Variants in SGCZ observed in about 807,000 individuals in gnomAD.
SGCZ encodes the protein sarcoglycan zeta.
In SGCZ, 40 loss-of-function variants were observed where a neutral mutation model predicts 41.3. That is an observed-to-expected ratio of 0.97 (90% CI 0.75 to 1.26). The LOEUF is 1.26. Ranked by LOEUF, SGCZ falls within the 50% of genes most tolerant of loss-of-function variation. SGCZ has a pLI of 0.00. For missense variants in SGCZ, 552 were observed against 369.8 expected (o/e 1.49, Z -4.04); for synonymous variants, 206 against 137.5 (o/e 1.50, Z -3.49).
At chr8:15,228,505 T>G (rs1260829117) in intron 1 of SGCZ, among the ~76,000 whole-genome samples, 1 of 152,184 alleles carries the variant, frequency 6.6e-6, no homozygotes, top group Non-Finnish European at 1.5e-5. Context: ...AAACATTGAT[T>G]TTTATAAAAT....
chr8:14,281,336 TA>T (rs1800426701), intron 3 of SGCZ, among the ~76,000 whole-genome samples: 1 of 151,976 alleles, frequency 6.6e-6, no homozygotes, highest in Non-Finnish European at 1.5e-5. Context: ...TATACATACT[TA>T]AAAAATATCT....
chr8:14,340,566 TA>T (rs1233275738), intron 2 of SGCZ, among the ~76,000 whole-genome samples: 2 of 152,112 alleles, frequency 1.3e-5, no homozygotes, highest in African/African-American at 4.8e-5. Context: ...AAATGACCTT[TA>T]TGTACAAGCA....
chr8:15,211,740 C>T (rs1308705679), intron 1 of SGCZ, among the ~76,000 whole-genome samples: 2 of 152,136 alleles, frequency 1.3e-5, no homozygotes, highest in Non-Finnish European at 2.9e-5. Flanking sequence ...CTTATATCTT[C>T]AACCTCTCCC....
At chr8:14,501,646 T>A (rs772702231) in intron 2 of SGCZ, among the ~76,000 whole-genome samples, 2 of 150,406 alleles carry the variant, frequency 1.3e-5, no homozygotes, top group Admixed American at 1.3e-4. Context: ...AAACACCTAA[T>A]ATAGCATGTA....
intron 1 of SGCZ, among the ~76,000 whole-genome samples, chr8:14,959,500 AT>A (rs1435341608): frequency 9.9e-5 from 15 of 152,170 alleles, no homozygotes; most frequent in African/African-American, 3.6e-4. Context: ...AAAACATAGG[AT>A]GACTTTGTTT....
intron 2 of SGCZ, among the ~76,000 whole-genome samples, chr8:14,328,291 A>T (rs1309598882): frequency 1.3e-5 from 2 of 152,128 alleles, no homozygotes; most frequent in Non-Finnish European, 2.9e-5. Context: ...TGATCCCTTC[A>T]TTATCTGAAA....
chr8:14,249,947 G>C (rs76752906), intron 3 of SGCZ, among the ~76,000 whole-genome samples: 1 of 152,160 alleles, frequency 6.6e-6, no homozygotes, highest in Non-Finnish European at 1.5e-5. Context: ...TTAAGAATAT[G>C]TCAGACCAAA....
intron 1 of SGCZ, among the ~76,000 whole-genome samples, chr8:14,774,352 T>C (rs939516311): frequency 6.6e-6 from 1 of 152,188 alleles, no homozygotes; most frequent in East Asian, 1.9e-4. Flanking sequence ...TACATACTCA[T>C]CCTATTGATT....
chr8:14,572,902 C>T lies in SGCZ; in HGVS notation c.40-17976G>A, dbSNP rs995946488. Among the ~76,000 whole-genome samples, 5 of 152,250 alleles carry T rather than the reference C, an allele frequency of 3.3e-5. No homozygotes were observed. The East Asian group carries it at 5.8e-4, about 18-fold the overall frequency. On this transcript the variant is annotated intron_variant, in intron 1 of 7. Transcript: ENST00000382080. ...GATGTTTCTGTTTTCTTAACCATGTCAGGCTGTTTCTGCAATGAATATTTA... is the reference window on the plus strand; with the variant it reads ...GATGTTTCTGTTTTCTTAACCATGTTAGGCTGTTTCTGCAATGAATATTTA...
At chr8:14,758,730 C>A (rs570986455) in intron 1 of SGCZ, among the ~76,000 whole-genome samples, 1 of 152,052 alleles carries the variant, frequency 6.6e-6, no homozygotes, top group Non-Finnish European at 1.5e-5. Context: ...TACAGTAGGC[C>A]GAGTGCGGTG....
At chr8:14,797,835 G>C (rs142909809) in intron 1 of SGCZ, among the ~76,000 whole-genome samples, 1 of 152,300 alleles carries the variant, frequency 6.6e-6, no homozygotes, top group Non-Finnish European at 1.5e-5. Context: ...ATGGCTTAAA[G>C]GGGCCAAGGT....
At chr8:14,784,913 A>AAAAATATATAT (rs1408574493) in intron 1 of SGCZ, among the ~76,000 whole-genome samples, 1 of 88,036 alleles carries the variant, frequency 1.1e-5, no homozygotes, top group African/African-American at 4.7e-5. Flanking sequence ...AAAAAAAAAA[A>AAAAATATATAT]ATATATATAT....
At position 14,401,226 on chromosome 8, in the gene SGCZ, T is replaced by C. The variant is rs898678175; in HGVS notation, c.235-77022A>G. On this transcript the variant is annotated intron_variant, in intron 2 of 7. Transcript: ENST00000382080. ...TATGCATATCAATAAAACACATAGG[T>C]CATAATCAATACTTAACTCAAATAT... 2.6e-5 allele frequency among the ~76,000 whole-genome samples: 4 copies of C among 152,266 alleles called. No individual in the cohort carries two copies. In the South Asian group the frequency reaches 6.2e-4, roughly 24 times the overall value.
chr8:14,755,293 G>T (rs1208381209), intron 1 of SGCZ, among the ~76,000 whole-genome samples: 2 of 151,972 alleles, frequency 1.3e-5, no homozygotes, highest in African/African-American at 4.8e-5. Context: ...GATCTCTACT[G>T]AGTATTGATT....
intron 1 of SGCZ, among the ~76,000 whole-genome samples, chr8:14,699,494 G>C (rs921238078): frequency 2.0e-5 from 3 of 151,674 alleles, no homozygotes; most frequent in African/African-American, 7.3e-5. Flanking sequence ...CTAAATTTAA[G>C]ACCTAAAACT....
intron 2 of SGCZ, among the ~76,000 whole-genome samples, chr8:14,426,922 G>T (rs1282426895): frequency 6.6e-6 from 1 of 151,902 alleles, no homozygotes; most frequent in African/African-American, 2.4e-5. Flanking sequence ...TTTCAAAATT[G>T]TTATTATTTA....
At chr8:15,179,371 G>T (rs1333682573) in intron 1 of SGCZ, among the ~76,000 whole-genome samples, 1 of 152,078 alleles carries the variant, frequency 6.6e-6, no homozygotes, top group Non-Finnish European at 1.5e-5. Context: ...TGAGAATACA[G>T]ATTTTGTATT....
chr8:15,143,140 T>C (rs998116893), intron 1 of SGCZ, among the ~76,000 whole-genome samples: 1 of 152,198 alleles, frequency 6.6e-6, no homozygotes, highest in African/African-American at 2.4e-5. Context: ...AATTTTGTGA[T>C]AGCTACTGTG....
intron 1 of SGCZ, among the ~76,000 whole-genome samples, chr8:14,975,287 CA>C (rs1258034853): frequency 1.3e-5 from 2 of 152,056 alleles, no homozygotes; most frequent in Non-Finnish European, 2.9e-5. Flanking sequence ...GCCTGGGCGA[CA>C]GAGCAAAACT....
Sources: allele counts gnomAD v4.1 joint callset (sites outside exome capture counted in the v4.1 genomes callset), GRCh38; gene constraint gnomAD v4.1.1; transcripts MANE v1.5; gene names NCBI Gene and HGNC (gene_info 2026-07-23, HGNC 2026-07-21).